The following TAF3 variants were observed in gnomAD, a reference collection of about 807,000 sequenced individuals.
The protein encoded by TAF3 is TATA-box binding protein associated factor 3, also known as transcription initiation factor TFIID subunit 3.
In TAF3, 7 loss-of-function variants were observed where a neutral mutation model predicts 80.6. That is an observed-to-expected ratio of 0.09 (90% CI 0.05 to 0.16). TAF3 has a LOEUF of 0.16. Ranked by LOEUF, TAF3 falls within the 10% of genes least tolerant of loss-of-function variation. The probability of loss-of-function intolerance (pLI) is 1.00; values close to 1 mark genes in which losing one functional copy is unlikely to be tolerated. For synonymous variants in TAF3, 444 were observed against 446.1 expected (o/e 1.00, Z 0.06); for missense variants, 921 against 1,140.2 (o/e 0.81, Z 2.77).
intron 2 of TAF3, among the ~76,000 whole-genome samples, chr10:7,960,884 T>G (rs1588567042): frequency 6.6e-6 from 1 of 152,178 alleles, no homozygotes; most frequent in African/African-American, 2.4e-5. Flanking sequence ...TTCCGTGTAA[T>G]AAAGAACAGC....
At chr10:8,004,179 T>C (rs1488364222) in intron 4 of TAF3, among the ~76,000 whole-genome samples, 2 of 151,904 alleles carry the variant, frequency 1.3e-5, no homozygotes, top group African/African-American at 4.8e-5. Context: ...TCCTCTGGAG[T>C]AGCTGGGATT....
intron 2 of TAF3, among the ~76,000 whole-genome samples, chr10:7,917,362 A>G (rs1837721001): frequency 2.0e-5 from 3 of 152,214 alleles, no homozygotes; most frequent in South Asian, 4.1e-4. Context: ...GGCACGAGGA[A>G]CAGCAAGTAT....
At chr10:8,014,560 ATTACT>A in intron 6 of TAF3, 72 bp from the exon 7 acceptor site, 1 of 1,307,776 alleles carries the variant, frequency 7.6e-7, no homozygotes. Context: ...ACTCTAAAAA[ATTACT>A]TTAAAACATG....
intron 2 of TAF3, among the ~76,000 whole-genome samples, chr10:7,895,903 T>G (rs925966692): frequency 1.3e-5 from 2 of 152,192 alleles, no homozygotes; most frequent in Non-Finnish European, 2.9e-5. Flanking sequence ...AGTTATCACG[T>G]GACAGGAATC....
intron 2 of TAF3, among the ~76,000 whole-genome samples, chr10:7,938,352 C>A (rs907315130): frequency 1.3e-5 from 2 of 152,038 alleles, no homozygotes; most frequent in African/African-American, 4.8e-5. Flanking sequence ...GGTTATCAGG[C>A]TGTTATATTT....
At chr10:8,004,796 GCT>G (rs1221450570) in intron 4 of TAF3, among the ~76,000 whole-genome samples, 1 of 152,068 alleles carries the variant, frequency 6.6e-6, no homozygotes, top group Non-Finnish European at 1.5e-5. Context: ...GGTGTGTTGG[GCT>G]TCATAAATCT....
At chr10:7,896,174 G>A (rs1043972185) in intron 2 of TAF3, among the ~76,000 whole-genome samples, 1 of 152,122 alleles carries the variant, frequency 6.6e-6, no homozygotes, top group African/African-American at 2.4e-5. Flanking sequence ...GTGTATGCTA[G>A]TAAGGTAAAA....
chr10:7,825,509 C>T (rs1162766407), intron 2 of TAF3, among the ~76,000 whole-genome samples: 1 of 152,184 alleles, frequency 6.6e-6, no homozygotes, highest in East Asian at 1.9e-4. Flanking sequence ...CCACTTCCAG[C>T]CCCTGGCAAC....
intron 2 of TAF3, among the ~76,000 whole-genome samples, chr10:7,962,905 A>G (rs2131411446): frequency 6.6e-6 from 1 of 152,294 alleles, no homozygotes; most frequent in Middle Eastern, 3.4e-3. Flanking sequence ...TGCTTAGTTA[A>G]AATGTGTTGG....
intron 4 of TAF3, among the ~76,000 whole-genome samples, chr10:7,983,581 A>G (rs555691114): frequency 6.6e-6 from 1 of 152,252 alleles, no homozygotes; most frequent in South Asian, 2.1e-4. Context: ...AACAACAACA[A>G]CACAAAAAAA....
At chr10:7,903,670 G>A (rs1379383279) in intron 2 of TAF3, among the ~76,000 whole-genome samples, 1 of 152,206 alleles carries the variant, frequency 6.6e-6, no homozygotes, top group Non-Finnish European at 1.5e-5. Context: ...ATAGAAGCAC[G>A]ATTTTCAGGA....
chr10:7,968,011 A>G (rs1831589192), intron 3 of TAF3, among the ~76,000 whole-genome samples: 1 of 152,158 alleles, frequency 6.6e-6, no homozygotes, highest in Non-Finnish European at 1.5e-5. Context: ...CCCTTTCTTC[A>G]ACCCCGTTTA....
At position 7,939,433 on chromosome 10, in the gene TAF3, G is replaced by A. The variant is rs774095751; in HGVS notation, c.410-24487G>A. 3.2e-4 allele frequency among the ~76,000 whole-genome samples: 49 copies of A among 152,220 alleles called. 1 individual carries two copies. Among genetic ancestry groups the A allele is most frequent in the Middle Eastern group, 3.4e-3 (1 of 294 alleles). ...ATCTTACAATGTAGCCCGCCAGTTA[G>A]CAAAGTCCCAAACATTTTACATGTA... On this transcript the variant is annotated intron_variant, in intron 2 of 6. Coordinates refer to ENST00000344293, the MANE Select transcript of TAF3 (RefSeq NM_031923.4).
At chr10:7,936,100 C>CT (rs947222628) in intron 2 of TAF3, among the ~76,000 whole-genome samples, 50 of 152,248 alleles carry the variant, frequency 3.3e-4, no homozygotes, top group African/African-American at 8.9e-4. Flanking sequence ...AGACGTGACT[C>CT]TAACCACAGT....
intron 1 of TAF3, among the ~76,000 whole-genome samples, chr10:7,820,536 C>T (rs768899564): frequency 3.3e-5 from 5 of 152,212 alleles, no homozygotes; most frequent in South Asian, 4.1e-4. Flanking sequence ...ACTCTGTCGC[C>T]GAGCGTGGAG....
intron 2 of TAF3, among the ~76,000 whole-genome samples, chr10:7,949,682 C>G (rs571577942): frequency 6.6e-6 from 1 of 152,176 alleles, no homozygotes; most frequent in Non-Finnish European, 1.5e-5. Context: ...CATTTATGTA[C>G]CACTAAGGTA....
At chr10:7,840,678 C>A (rs1836903828) in intron 2 of TAF3, among the ~76,000 whole-genome samples, 1 of 152,038 alleles carries the variant, frequency 6.6e-6, no homozygotes, top group Admixed American at 6.5e-5. Flanking sequence ...ATGCTTGTGG[C>A]TGGCTCAGTG....
chr10:7,914,017 T>C (rs981273446), intron 2 of TAF3, among the ~76,000 whole-genome samples: 2 of 152,168 alleles, frequency 1.3e-5, no homozygotes, highest in African/African-American at 2.4e-5. Context: ...AAATGACTTA[T>C]GTGACATCAA....
At chr10:7,822,341 T>A (rs1836698315) in intron 1 of TAF3, among the ~76,000 whole-genome samples, 1 of 152,090 alleles carries the variant, frequency 6.6e-6, no homozygotes, top group African/African-American at 2.4e-5. Flanking sequence ...GAATTTAAGA[T>A]TATTATATTT....
Sources: allele counts gnomAD v4.1 joint callset (sites outside exome capture counted in the v4.1 genomes callset), GRCh38; gene constraint gnomAD v4.1.1; transcripts MANE v1.5; gene names NCBI Gene and HGNC (gene_info 2026-07-23, HGNC 2026-07-21).